Variants in PTPRN2 observed in about 807,000 individuals in gnomAD.
The protein encoded by PTPRN2 is receptor-type tyrosine-protein phosphatase N2.
Under a neutral mutation model 118.8 loss-of-function variants are expected in PTPRN2, and 74 were observed. The observed-to-expected ratio is 0.62, with a 90% CI of 0.52 to 0.76. The LOEUF (loss-of-function observed/expected upper bound fraction) is 0.76, where lower values mean the gene tolerates loss of function less well. PTPRN2 is among the 30% of genes least tolerant of loss of function. PTPRN2 has a pLI of 0.00. For synonymous variants in PTPRN2, 641 were observed against 608.0 expected (o/e 1.05, Z -0.80); for missense variants, 1,481 against 1,394.4 (o/e 1.06, Z -0.99).
At chr7:158,085,033 T>A (rs1292144137) in intron 10 of PTPRN2, among the ~76,000 whole-genome samples, 11 of 114,060 alleles carry the variant, frequency 9.6e-5, no homozygotes, top group Non-Finnish European at 1.0e-4. Context: ...ACGACGCCCA[T>A]CCACACCCAC....
intron 3 of PTPRN2, among the ~76,000 whole-genome samples, chr7:158,309,724 G>T (rs1379607539): frequency 6.6e-6 from 1 of 152,074 alleles, no homozygotes; most frequent in Admixed American, 6.5e-5. Flanking sequence ...ACTTATCCCA[G>T]GAATATAAGA....
chr7:158,125,922 C>T (rs1817621856), intron 9 of PTPRN2, among the ~76,000 whole-genome samples: 1 of 152,190 alleles, frequency 6.6e-6, no homozygotes, highest in African/African-American at 2.4e-5. Context: ...TCGTGATGCG[C>T]TCTTCTCGCT....
chr7:157,719,208 C>T (rs989023001), intron 12 of PTPRN2, among the ~76,000 whole-genome samples: 2 of 152,248 alleles, frequency 1.3e-5, no homozygotes, highest in Non-Finnish European at 2.9e-5. Flanking sequence ...CCTGTGTGGC[C>T]GCAGGTGGTC....
intron 14 of PTPRN2, among the ~76,000 whole-genome samples, chr7:157,635,758 A>C (rs1016581828): frequency 3.9e-5 from 6 of 152,092 alleles, no homozygotes; most frequent in African/African-American, 1.4e-4. Flanking sequence ...CTCTCACCCC[A>C]GCCAGGATAT....
intron 12 of PTPRN2, among the ~76,000 whole-genome samples, chr7:157,883,933 T>C (rs1186184866): frequency 1.3e-5 from 2 of 150,514 alleles, no homozygotes; most frequent in African/African-American, 2.5e-5. Flanking sequence ...AAAGTGACTG[T>C]TGGAGACCAG....
At chr7:158,407,846 TC>T (rs1175723704) in intron 2 of PTPRN2, among the ~76,000 whole-genome samples, 1 of 152,170 alleles carries the variant, frequency 6.6e-6, no homozygotes, top group Admixed American at 6.5e-5. Context: ...GACCATGAGT[TC>T]ATGGCGTGAT....
intron 12 of PTPRN2, among the ~76,000 whole-genome samples, chr7:157,815,274 T>G (rs748039772): frequency 7.2e-5 from 11 of 152,252 alleles, no homozygotes; most frequent in Non-Finnish European, 1.6e-4. Flanking sequence ...GTGCACCTCC[T>G]GAGGGCTGGG....
chr7:157,870,292 AT>A (rs1361620834), intron 12 of PTPRN2, among the ~76,000 whole-genome samples: 1 of 152,160 alleles, frequency 6.6e-6, no homozygotes, highest in African/African-American at 2.4e-5. Context: ...AACAAGGTTA[AT>A]TTTTTCCTTG....
chr7:157,882,607 C>G (rs1239505755), intron 12 of PTPRN2, among the ~76,000 whole-genome samples: 2 of 151,454 alleles, frequency 1.3e-5, no homozygotes, highest in Admixed American at 6.6e-5. Context: ...CCAGAACACA[C>G]CACCGCAAAA....
chr7:158,009,166 C>T (rs1805868349), intron 11 of PTPRN2, among the ~76,000 whole-genome samples: 1 of 152,058 alleles, frequency 6.6e-6, no homozygotes, highest in Admixed American at 6.6e-5. Flanking sequence ...GCAAAGGTTC[C>T]CATGCACAAG....
At chr7:158,304,723 C>T (rs1016135487) in intron 3 of PTPRN2, among the ~76,000 whole-genome samples, 1 of 152,152 alleles carries the variant, frequency 6.6e-6, no homozygotes, top group African/African-American at 2.4e-5. Context: ...GAAAGAGTGT[C>T]TGGGTTAAGA....
intron 12 of PTPRN2, among the ~76,000 whole-genome samples, chr7:157,769,622 G>A (rs1053671072): frequency 6.6e-6 from 1 of 152,136 alleles, no homozygotes; most frequent in Non-Finnish European, 1.5e-5. Context: ...GCCACGCCAC[G>A]GGCTCCCTTG....
chr7:158,270,996 C>T (rs1427939286), intron 3 of PTPRN2, among the ~76,000 whole-genome samples: 3 of 125,462 alleles, frequency 2.4e-5, no homozygotes, highest in Non-Finnish European at 3.5e-5. Context: ...CTGGGCCTCC[C>T]CATCCACCTG....
intron 12 of PTPRN2, among the ~76,000 whole-genome samples, chr7:157,731,038 C>T (rs1799868737): frequency 6.6e-6 from 1 of 152,112 alleles, no homozygotes; most frequent in African/African-American, 2.4e-5. Context: ...AACTCCCAGC[C>T]CTGGACGAGG....
chr7:158,139,167 C>G (rs1285882376), intron 6 of PTPRN2, among the ~76,000 whole-genome samples: 2 of 152,048 alleles, frequency 1.3e-5, no homozygotes, highest in Non-Finnish European at 2.9e-5. Flanking sequence ...AAACAGAACC[C>G]GAAATTGAGA....
chr7:158,039,135 A>T (rs1447377997), intron 11 of PTPRN2, among the ~76,000 whole-genome samples: 1 of 152,268 alleles, frequency 6.6e-6, no homozygotes, highest in East Asian at 1.9e-4. Context: ...TTATACTGTA[A>T]TACCATGCCA....
intron 2 of PTPRN2, among the ~76,000 whole-genome samples, chr7:158,397,936 C>T (rs1812654754): frequency 6.6e-6 from 1 of 152,126 alleles, no homozygotes; most frequent in African/African-American, 2.4e-5. Context: ...TCGAGGTGTG[C>T]ATGATAACAA....
At chr7:158,540,936 C>A (rs1182257472) in intron 1 of PTPRN2, among the ~76,000 whole-genome samples, 4 of 152,240 alleles carry the variant, frequency 2.6e-5, no homozygotes, top group African/African-American at 9.6e-5. Context: ...CACACAGGTG[C>A]TGCCCACAAG....
At chr7:157,744,614 T>A (rs1800814906) in intron 12 of PTPRN2, among the ~76,000 whole-genome samples, 1 of 152,222 alleles carries the variant, frequency 6.6e-6, no homozygotes, top group Non-Finnish European at 1.5e-5. Context: ...TTGGGTCTGC[T>A]TTTGAATTTT....
Sources: allele counts gnomAD v4.1 joint callset (sites outside exome capture counted in the v4.1 genomes callset), GRCh38; gene constraint gnomAD v4.1.1; transcripts MANE v1.5; gene names NCBI Gene and HGNC (gene_info 2026-07-23, HGNC 2026-07-21).